Variants in FAM124B observed in about 807,000 individuals in gnomAD.
FAM124B encodes protein FAM124B.
Under a neutral mutation model 19.7 loss-of-function variants are expected in FAM124B, and 18 were observed. That is an observed-to-expected ratio of 0.92 (90% CI 0.63 to 1.36). The LOEUF is 1.36. Ranked by LOEUF, FAM124B falls within the 40% of genes most tolerant of loss-of-function variation. The probability of loss-of-function intolerance (pLI) is 0.00; values close to 1 mark genes in which losing one functional copy is unlikely to be tolerated. For missense variants in FAM124B, 540 were observed against 553.3 expected (o/e 0.98, Z 0.24); for synonymous variants, 223 against 225.2 (o/e 0.99, Z 0.09).
intron 1 of FAM124B, 117 bp downstream of exon 1, chr2:224,400,920 G>T: frequency 7.5e-7 from 1 of 1,330,334 alleles, no homozygotes; most frequent in Non-Finnish European, 1.0e-6. Flanking sequence ...ATTTATGAAA[G>T]ACCCTAAGGG....
intron 1 of FAM124B, among the ~76,000 whole-genome samples, chr2:224,384,253 G>A (rs377464436): frequency 3.3e-5 from 5 of 152,148 alleles, no homozygotes; most frequent in South Asian, 4.2e-4. Context: ...CATGGGCTCC[G>A]GCACTCAATT....
At chr2:224,391,238 G>A (rs1689882347) in intron 1 of FAM124B, among the ~76,000 whole-genome samples, 1 of 151,032 alleles carries the variant, frequency 6.6e-6, no homozygotes, top group African/African-American at 2.4e-5. Context: ...CTACTGGGGA[G>A]GCTGGGGCAG....
Position 224,393,012 on chromosome 2 carries a change from G to A in FAM124B, c.732+8025C>T, listed in dbSNP as rs542037420. On this transcript the variant is annotated intron_variant, in intron 1 of 1. Coordinates refer to ENST00000409685, the MANE Select transcript of FAM124B (RefSeq NM_001122779.2). Reference sequence around the variant, plus strand: ...ACATGTGGCGAATGGCCACCGTATCGAATAGCACAGATACAGAATATTTTC... The same window carrying A: ...ACATGTGGCGAATGGCCACCGTATCAAATAGCACAGATACAGAATATTTTC... Among the ~76,000 whole-genome samples the A allele has an allele frequency of 2.2e-4, 33 of 152,258 alleles. No individual in the cohort carries two copies. In the South Asian group the frequency reaches 6.2e-3, roughly 29 times the overall value.
intron 1 of FAM124B, among the ~76,000 whole-genome samples, chr2:224,383,316 G>A (rs1324014830): frequency 3.3e-5 from 5 of 152,122 alleles, no homozygotes; most frequent in African/African-American, 9.7e-5. Flanking sequence ...ACTTGCGGTC[G>A]TTGTGAGTCT....
intron 1 of FAM124B, among the ~76,000 whole-genome samples, chr2:224,396,722 C>A (rs1689977029): frequency 6.6e-6 from 1 of 152,174 alleles, no homozygotes; most frequent in African/African-American, 2.4e-5. Flanking sequence ...CACTTTCCTG[C>A]ACGTAATAAT....
At chr2:224,396,510 G>A (rs1467006692) in intron 1 of FAM124B, among the ~76,000 whole-genome samples, 1 of 152,114 alleles carries the variant, frequency 6.6e-6, no homozygotes, top group African/African-American at 2.4e-5. Context: ...TTAGTTTGTG[G>A]TTATGGTTCT....
chr2:224,382,563 C>A (rs1388904799), intron 1 of FAM124B, among the ~76,000 whole-genome samples: 2 of 152,014 alleles, frequency 1.3e-5, no homozygotes, highest in Admixed American at 1.3e-4. Context: ...GCATGCACCA[C>A]CACGCCCAGC....
At chr2:224,397,980 C>A (rs936128907) in intron 1 of FAM124B, among the ~76,000 whole-genome samples, 10 of 152,152 alleles carry the variant, frequency 6.6e-5, no homozygotes, top group Admixed American at 6.5e-5. Flanking sequence ...ATGTAAGATG[C>A]GACTGCTCCT....
At chr2:224,400,955 G>C in intron 1 of FAM124B, 82 bp downstream of exon 1, 1 of 1,491,384 alleles carries the variant, frequency 6.7e-7, no homozygotes. Flanking sequence ...CCAAGTCTGA[G>C]AACCACTAGC....
intron 1 of FAM124B, among the ~76,000 whole-genome samples, chr2:224,397,980 C>T (rs936128907): frequency 1.3e-5 from 2 of 152,152 alleles, no homozygotes; most frequent in East Asian, 1.9e-4. Flanking sequence ...ATGTAAGATG[C>T]GACTGCTCCT....
At chr2:224,391,633 C>A (rs1017227120) in intron 1 of FAM124B, among the ~76,000 whole-genome samples, 3 of 152,148 alleles carry the variant, frequency 2.0e-5, no homozygotes, top group African/African-American at 7.2e-5. Context: ...AATCAAAACA[C>A]TATATATTAA....
intron 1 of FAM124B, among the ~76,000 whole-genome samples, chr2:224,385,880 C>T (rs1023537711): frequency 6.6e-6 from 1 of 152,152 alleles, no homozygotes; most frequent in African/African-American, 2.4e-5. Context: ...CTGTCATTCA[C>T]CCTGGAGCAG....
intron 1 of FAM124B, among the ~76,000 whole-genome samples, chr2:224,389,634 G>A (rs1016638504): frequency 2.6e-5 from 4 of 152,150 alleles, no homozygotes; most frequent in African/African-American, 7.2e-5. Context: ...GGGGCGGGGA[G>A]AGGAGGGCTG....
chr2:224,392,879 A>G (rs1689910735), intron 1 of FAM124B, among the ~76,000 whole-genome samples: 1 of 152,230 alleles, frequency 6.6e-6, no homozygotes, highest in African/African-American at 2.4e-5. Flanking sequence ...AGGGCAGTCC[A>G]ATACAGCAGT....
At chr2:224,390,188 C>T (rs138901858) in intron 1 of FAM124B, among the ~76,000 whole-genome samples, 3 of 148,488 alleles carry the variant, frequency 2.0e-5, no homozygotes, top group African/African-American at 7.6e-5. Context: ...AGAATGAACC[C>T]CTTAATTAAA....
In FAM124B at chr2:224,401,651, G is replaced by A. The variant is rs201610226; in HGVS notation, c.118C>T (p.Arg40Trp). The change falls in exon 1 of 2, where the codon CGG becomes TGG. Residue 40 changes from arginine (R) to tryptophan (W), a missense_variant. Coordinates refer to ENST00000409685, the MANE Select transcript of FAM124B (RefSeq NM_001122779.2). ...QLLDCICPEV[R>W]LFQVSERASP... ...GCCCGTTCAGACACCTGAAAGAGCC[G>A]GACCTCTGGGCAAATGCAATCCAGG... 3.1e-6 allele frequency: 5 copies of A among 1,614,182 alleles called. No homozygotes were observed. Among genetic ancestry groups the A allele is most frequent in the African/African-American group, 1.3e-5 (1 of 75,044 alleles).
rs143040975 is a variant in FAM124B, at chr2:224,386,006, C to G, written c.733-5798G>C. On this transcript the variant is annotated intron_variant, in intron 1 of 1. Coordinates refer to ENST00000409685, the MANE Select transcript of FAM124B (RefSeq NM_001122779.2). ...TCCCCTGCCAGAGGATTGGATCACA[C>G]CACACCATCGTCCTGCTTCAGTGAC... Among the ~76,000 whole-genome samples the G allele has an allele frequency of 1.5e-3, 223 of 152,298 alleles. 1 individual carries two copies. Among genetic ancestry groups the G allele is most frequent in the African/African-American group, 5.1e-3 (212 of 41,568 alleles).
At chr2:224,395,515 G>A (rs998444577) in intron 1 of FAM124B, among the ~76,000 whole-genome samples, 24 of 152,178 alleles carry the variant, frequency 1.6e-4, no homozygotes, top group African/African-American at 5.8e-4. Flanking sequence ...AGGGAGAAAA[G>A]CAGAGGGACT....
intron 1 of FAM124B, among the ~76,000 whole-genome samples, chr2:224,381,375 G>A (rs1368840831): frequency 2.6e-5 from 4 of 152,124 alleles, no homozygotes; most frequent in South Asian, 4.1e-4. Context: ...AGGATCCCTC[G>A]AGCCCAGGAG....
Sources: allele counts gnomAD v4.1 joint callset (sites outside exome capture counted in the v4.1 genomes callset), GRCh38; gene constraint gnomAD v4.1.1; transcripts MANE v1.5; gene names NCBI Gene and HGNC (gene_info 2026-07-23, HGNC 2026-07-21).